STARD3NL: variants seen among roughly 807,000 people sequenced by gnomAD.
STARD3NL encodes the protein STARD3 N-terminal-like protein.
STARD3NL carries 17 observed loss-of-function variants against 30.9 expected under a neutral mutation model. That is an observed-to-expected ratio of 0.55 (90% CI 0.38 to 0.82). STARD3NL has a LOEUF of 0.82. STARD3NL is among the 40% of genes least tolerant of loss of function. STARD3NL has a pLI of 0.00. For synonymous variants in STARD3NL, 112 were observed against 100.5 expected, an observed-to-expected ratio of 1.11 and a Z score of -0.69; for missense variants, 234 against 277.6, an observed-to-expected ratio of 0.84 and a Z score of 1.12.
intron 1 of STARD3NL, chr7:38,198,149 C>T (rs909160381): frequency 2.6e-5 from 4 of 152,352 alleles, no homozygotes; most frequent in Non-Finnish European, 2.9e-5. Flanking sequence ...TAAGGCAGGA[C>T]GATAGAGAGG....
intron 1 of STARD3NL, among the ~76,000 whole-genome samples, chr7:38,206,965 A>G (rs992381345): frequency 1.2e-4 from 18 of 152,004 alleles, no homozygotes; most frequent in African/African-American, 4.4e-4. Context: ...TACAGACAGG[A>G]CCTTGCTATA....
In STARD3NL at chr7:38,228,768, C is replaced by T. The variant is rs566766484; in HGVS notation, c.650-31C>T. The T allele has an allele frequency of 2.5e-6, 4 of 1,591,036 alleles. No homozygotes were observed. In the Admixed American group the frequency reaches 6.8e-5, roughly 27 times the overall value. Reference sequence around the variant, plus strand: ...TTTGTTACTGTAATGGAATGAAATACTTTTTCTTTGTCCCCTTCTCCACCA... The same window carrying T: ...TTTGTTACTGTAATGGAATGAAATATTTTTTCTTTGTCCCCTTCTCCACCA... On this transcript the variant is annotated intron_variant, in intron 7 of 8. Transcript: ENST00000009041.
At chr7:38,203,741 G>T (rs191387733) in intron 1 of STARD3NL, among the ~76,000 whole-genome samples, 1 of 152,120 alleles carries the variant, frequency 6.6e-6, no homozygotes, top group East Asian at 1.9e-4. Flanking sequence ...CCCGTCTCAC[G>T]TGCAGAGACA....
At chr7:38,189,459 G>T (rs1380435291) in intron 1 of STARD3NL, among the ~76,000 whole-genome samples, 2 of 152,154 alleles carry the variant, frequency 1.3e-5, no homozygotes, top group East Asian at 1.9e-4. Context: ...CTTTGTAAAA[G>T]ATCTGTCTTT....
At chr7:38,212,593 G>A (rs1329240562) in intron 2 of STARD3NL, among the ~76,000 whole-genome samples, 1 of 152,198 alleles carries the variant, frequency 6.6e-6, no homozygotes, top group East Asian at 1.9e-4. Context: ...TAGATGCTCA[G>A]CAAATATTTG....
intron 2 of STARD3NL, among the ~76,000 whole-genome samples, chr7:38,208,558 T>G (rs892096282): frequency 6.6e-6 from 1 of 152,222 alleles, no homozygotes; most frequent in African/African-American, 2.4e-5. Flanking sequence ...TTGGTCTGAT[T>G]GTTTACATTT....
In STARD3NL at chr7:38,229,980, C is replaced by T. The variant is rs1357514257; in HGVS notation, c.*75C>T. 6.6e-6 allele frequency: 1 copy of T among 152,566 alleles called. No individual in the cohort carries two copies. The highest frequency in any genetic ancestry group is 1.5e-5 in the Non-Finnish European group (1 of 68,032). The allele number at this position is 152,566 out of a possible 1,614,324, so 9.5% of individuals were successfully genotyped here. On this transcript the variant is annotated 3_prime_UTR_variant, in exon 9 of 9. Transcript: ENST00000009041. ...AAAAAGAGGCAGGCAGTGGAGTCTC[C>T]CTGTCGACAGTAAAGTTGAAATGGT...
At chr7:38,197,097 TC>T (rs1274589157) in intron 1 of STARD3NL, among the ~76,000 whole-genome samples, 1 of 152,128 alleles carries the variant, frequency 6.6e-6, no homozygotes, top group Non-Finnish European at 1.5e-5. Context: ...GCCAGTCCTT[TC>T]CCTGTGAATT....
chr7:38,221,545 A>G (rs1036567575), intron 7 of STARD3NL, among the ~76,000 whole-genome samples: 10 of 152,206 alleles, frequency 6.6e-5, no homozygotes, highest in Non-Finnish European at 1.5e-4. Context: ...AAGTGAAGCA[A>G]TTTACCCAAT....
At position 38,228,387 on chromosome 7, in the gene STARD3NL, C is replaced by G. The variant is rs543580571; in HGVS notation, c.650-412C>G. ...TGTGGTCACTGCCACAGTGCTCTCT[C>G]ACTGCTCTCTCGCTCGTCTGCCACA... On this transcript the variant is annotated intron_variant, in intron 7 of 8. Transcript: ENST00000009041. Among the ~76,000 whole-genome samples the G allele has an allele frequency of 8.5e-4, 130 of 152,328 alleles. 2 individuals are homozygous for G. In the South Asian group the frequency reaches 0.015, roughly 17 times the overall value.
At chr7:38,188,453 C>G (rs2115974034) in intron 1 of STARD3NL, among the ~76,000 whole-genome samples, 1 of 152,304 alleles carries the variant, frequency 6.6e-6, no homozygotes, top group South Asian at 2.1e-4. Context: ...TTTAAAATGA[C>G]CATGTTTCCA....
chr7:38,209,465 T>C (rs897247756), intron 2 of STARD3NL, among the ~76,000 whole-genome samples: 18 of 152,030 alleles, frequency 1.2e-4, no homozygotes, highest in African/African-American at 4.4e-4. Context: ...TTTGTATTTT[T>C]AGTAGAGACA....
At position 38,197,136 on chromosome 7, in the gene STARD3NL, TTTTCTTTCTTTCTTTCTTTCTTTC is replaced by T. The variant is rs56319128; in HGVS notation, c.-58-10275_-58-10252del. Among the ~76,000 whole-genome samples, 261 of 112,378 alleles carry T rather than the reference TTTTCTTTCTTTCTTTCTTTCTTTC, an allele frequency of 2.3e-3. 3 individuals are homozygous for T. Among genetic ancestry groups the T allele is most frequent in the African/African-American group, 8.6e-3 (251 of 29,288 alleles). 73.7% of individuals were successfully genotyped at this position (112,378 alleles called of 152,430 possible). A position where few individuals can be genotyped will look rare whatever the true frequency, so the allele number is the denominator to read the frequency against. On this transcript the variant is annotated intron_variant, in intron 1 of 8. Transcript: ENST00000009041. ...TGATCCTGTGAGATAGCATTACCTT[TTTTCTTTCTTTCTTTCTTTCTTTC>T]TTTCTTTCTTTCTTTCTTTCTTTCT...
Position 38,217,089 on chromosome 7 carries a change from C to A in STARD3NL, c.435+11C>A, listed in dbSNP as rs745362639. On this transcript the variant is annotated intron_variant, in intron 5 of 8. Transcript: ENST00000009041. Reference sequence around the variant, plus strand: ...GTGATCCTTTCGAAGGTATGGCCTACCACTTTTTCTATACAGTTACCATCT... The same window carrying A: ...GTGATCCTTTCGAAGGTATGGCCTAACACTTTTTCTATACAGTTACCATCT... 1.2e-6 allele frequency: 2 copies of A among 1,614,062 alleles called. No individual in the cohort carries two copies. Among genetic ancestry groups the A allele is most frequent in the Non-Finnish European group, 1.7e-6 (2 of 1,179,944 alleles).
chr7:38,196,416 A>G (rs1456548790), intron 1 of STARD3NL, among the ~76,000 whole-genome samples: 1 of 152,102 alleles, frequency 6.6e-6, no homozygotes, highest in Non-Finnish European at 1.5e-5. Flanking sequence ...GATATAGCAC[A>G]TCTACTGTGA....
At chr7:38,223,961 C>T (rs1051669677) in intron 7 of STARD3NL, among the ~76,000 whole-genome samples, 2 of 152,114 alleles carry the variant, frequency 1.3e-5, no homozygotes, top group Non-Finnish European at 2.9e-5. Flanking sequence ...TGCAGTTAAT[C>T]CCCACTTCTA....
At chr7:38,210,806 T>TGA (rs1785756020) in intron 2 of STARD3NL, among the ~76,000 whole-genome samples, 1 of 152,234 alleles carries the variant, frequency 6.6e-6, no homozygotes, top group South Asian at 2.1e-4. Flanking sequence ...AAAAAAAGCC[T>TGA]TTATCAATGC....
chr7:38,213,263 G>C (rs12531618), intron 2 of STARD3NL, among the ~76,000 whole-genome samples: 6 of 151,810 alleles, frequency 4.0e-5, no homozygotes, highest in Admixed American at 2.6e-4. Flanking sequence ...CTTCCTCCCA[G>C]GTTTTCAATT....
intron 1 of STARD3NL, among the ~76,000 whole-genome samples, chr7:38,187,555 A>C (rs1022392215): frequency 6.6e-6 from 1 of 152,218 alleles, no homozygotes; most frequent in Non-Finnish European, 1.5e-5. Flanking sequence ...ATGGTTTACT[A>C]AAATGGGAAC....
Sources: allele counts gnomAD v4.1 joint callset (sites outside exome capture counted in the v4.1 genomes callset), GRCh38; gene constraint gnomAD v4.1.1; transcripts MANE v1.5; gene names NCBI Gene and HGNC (gene_info 2026-07-23, HGNC 2026-07-21).